The following ITIH5 variants were observed in gnomAD, a reference collection of about 807,000 sequenced individuals.
ITIH5 encodes the protein inter-alpha-trypsin inhibitor heavy chain 5, also known as inter-alpha-trypsin inhibitor heavy chain H5.
ITIH5 carries 65 observed loss-of-function variants against 77.5 expected under a neutral mutation model. The observed-to-expected ratio is 0.84, with a 90% CI of 0.69 to 1.03. The LOEUF (loss-of-function observed/expected upper bound fraction) is 1.03, where lower values mean the gene tolerates loss of function less well. ITIH5 is among the 50% of genes least tolerant of loss of function. ITIH5 has a pLI of 0.00. For synonymous variants in ITIH5, 525 were observed against 494.3 expected (o/e 1.06, Z -0.82); for missense variants, 1,208 against 1,213.1 (o/e 1.00, Z 0.06).
intron 10 of ITIH5, 75 bp downstream of exon 10, chr10:7,576,378 G>A: frequency 1.6e-6 from 2 of 1,269,134 alleles, no homozygotes; most frequent in Non-Finnish European, 2.1e-6. Context: ...CTTCCTGCTG[G>A]GGCTTCCTGT....
Position 7,566,258 on chromosome 10 carries a change from C to G in ITIH5, c.2299G>C (p.Gly767Arg). ...CAGGGGAGCACCAGTCTGTCCCCACCATCCAAGATGACTCTGCTCGGTGTG... is the reference window on the plus strand; with the variant it reads ...CAGGGGAGCACCAGTCTGTCCCCACGATCCAAGATGACTCTGCTCGGTGTG... ...EITPSRVILD[G>R]GDRLVLPCNQ... The change falls in exon 13 of 14, where the codon GGT becomes CGT. Residue 767 changes from glycine to arginine, a missense_variant. Coordinates refer to ENST00000397146, the MANE Select transcript of ITIH5 (RefSeq NM_030569.7). 2 of 1,613,432 alleles carry G rather than the reference C, an allele frequency of 1.2e-6. No homozygotes were observed. The highest frequency in any genetic ancestry group is 3.3e-5 in the Admixed American group (2 of 59,884).
rs117295486 is a variant in ITIH5, at chr10:7,579,263, C to T, written c.1418+492G>A. ...GCTTAGGGCCGGGTGTGGTGGCTCA[C>T]GCCCATAATCCCAGTACTTTGGGAG... On this transcript the variant is annotated intron_variant, in intron 9 of 13. Coordinates refer to ENST00000397146, the MANE Select transcript of ITIH5 (RefSeq NM_030569.7). Among the ~76,000 whole-genome samples, 471 of 152,332 alleles carry T rather than the reference C, an allele frequency of 3.1e-3. 15 individuals carry two copies. The East Asian group carries it at 0.073, about 24-fold the overall frequency.
chr10:7,575,267 G>A (rs1021431111), intron 10 of ITIH5, among the ~76,000 whole-genome samples: 1 of 152,182 alleles, frequency 6.6e-6, no homozygotes, highest in Middle Eastern at 3.2e-3. Flanking sequence ...TTCAGGGCTG[G>A]GGAGTGGGAA....
intron 7 of ITIH5, among the ~76,000 whole-genome samples, chr10:7,597,908 T>G (rs879531964): frequency 5.7e-5 from 7 of 122,084 alleles, no homozygotes; most frequent in Non-Finnish European, 5.7e-5. Flanking sequence ...TAATCAGATT[T>G]TTTTTTTTTA....
intron 7 of ITIH5, among the ~76,000 whole-genome samples, chr10:7,601,894 C>T (rs1833023028): frequency 6.6e-6 from 1 of 152,108 alleles, no homozygotes; most frequent in Non-Finnish European, 1.5e-5. Context: ...CCTCTGTCGC[C>T]CAGGCTGGAG....
intron 13 of ITIH5, 77 bp from the exon 14 acceptor site, chr10:7,563,461 A>C (rs1201749544): frequency 3.8e-6 from 5 of 1,323,738 alleles, no homozygotes; most frequent in South Asian, 1.4e-5. Flanking sequence ...CAGAGCTATC[A>C]GTGGCAGAAA....
In ITIH5 at chr10:7,562,788, T is replaced by C; in HGVS notation, c.*295A>G. The C allele has an allele frequency of 2.4e-6, 1 of 414,906 alleles. No individual in the cohort carries two copies. The highest frequency in any genetic ancestry group is 4.4e-6 in the Non-Finnish European group (1 of 224,964). 25.7% of individuals were successfully genotyped at this position (414,906 alleles called of 1,614,324 possible). The stretch of plus-strand genomic sequence containing the variant: ...AACAGAAAAGCAGGTTGGGACAAGA[T>C]ACAGACTTTGTTGCATTTAGCTATG... On this transcript the variant is annotated 3_prime_UTR_variant, in exon 14 of 14. Transcript: ENST00000397146.
At chr10:7,658,126 G>C (rs1834217768) in intron 1 of ITIH5, among the ~76,000 whole-genome samples, 2 of 152,310 alleles carry the variant, frequency 1.3e-5, no homozygotes, top group South Asian at 4.1e-4. Flanking sequence ...AAGTGTAAGT[G>C]TTTTTATGTA....
intron 7 of ITIH5, among the ~76,000 whole-genome samples, chr10:7,615,207 C>T (rs993654464): frequency 2.0e-5 from 3 of 152,040 alleles, no homozygotes; most frequent in Admixed American, 1.3e-4. Flanking sequence ...GCTGAGATCA[C>T]GCCATTGCAC....
chr10:7,573,169 GCTGGTATGGCTT>G lies in ITIH5; in HGVS notation c.1993_2004del (p.Lys665_Gln668del), dbSNP rs1226037070. ...GATGTTTTAGAGATTTTAATTCTTG[GCTGGTATGGCTT>G]CTTGAGCAAAGGTCCTAAAAGGGAG... On this transcript the variant is annotated inframe_deletion, in exon 11 of 14. Transcript: ENST00000397146. 6.2e-7 allele frequency: 1 copy of G among 1,613,530 alleles called. No individual in the cohort carries two copies. Among genetic ancestry groups the G allele is most frequent in the African/African-American group, 1.3e-5 (1 of 74,844 alleles).
chr10:7,603,717 G>T (rs1420654146), intron 7 of ITIH5, among the ~76,000 whole-genome samples: 1 of 152,134 alleles, frequency 6.6e-6, no homozygotes, highest in Non-Finnish European at 1.5e-5. Context: ...CCGAGCAGCT[G>T]GGACTACAGG....
intron 2 of ITIH5, among the ~76,000 whole-genome samples, chr10:7,644,000 G>A (rs1036788292): frequency 1.3e-5 from 2 of 152,182 alleles, no homozygotes; most frequent in Admixed American, 6.5e-5. Flanking sequence ...CAGCACTTTG[G>A]GAGGCCAAGG....
In ITIH5 at chr10:7,576,976, G is replaced by A. The variant is rs113932693; in HGVS notation, c.1455C>T (p.Asp485=). The change falls in exon 10 of 14, where the codon GAC becomes GAT. Residue 485 remains aspartate, a synonymous_variant. Coordinates refer to ENST00000397146, the MANE Select transcript of ITIH5 (RefSeq NM_030569.7). ...AGCTGGGGGGATAATCGATGCGGATGTCAGAGAGGAGCGGGGTCCTGATTT... is the reference window on the plus strand; with the variant it reads ...AGCTGGGGGGATAATCGATGCGGATATCAGAGAGGAGCGGGGTCCTGATTT... ...YDEIRTPLLS[D]IRIDYPPSSV... is the part of the protein sequence containing the mutation. 2.1e-5 allele frequency: 34 copies of A among 1,613,684 alleles called. No individual in the cohort carries two copies. The highest frequency in any genetic ancestry group is 3.3e-4 in the Middle Eastern group (2 of 6,058).
At chr10:7,635,829 C>T (rs1431078173) in intron 5 of ITIH5, among the ~76,000 whole-genome samples, 1 of 152,180 alleles carries the variant, frequency 6.6e-6, no homozygotes, top group East Asian at 1.9e-4. Flanking sequence ...AACGCTCTCT[C>T]TCTTCTCCTG....
chr10:7,585,770 G>T, intron 8 of ITIH5, 131 bp downstream of exon 8: 1 of 723,912 alleles, frequency 1.4e-6, no homozygotes. Context: ...GAAAGCTCTC[G>T]CCTGCAGTCT....
At chr10:7,595,183 C>T (rs1167784607) in intron 7 of ITIH5, among the ~76,000 whole-genome samples, 2 of 152,134 alleles carry the variant, frequency 1.3e-5, no homozygotes, top group African/African-American at 2.4e-5. Context: ...CATGCCACTA[C>T]ACTTCAGCCT....
intron 12 of ITIH5, among the ~76,000 whole-genome samples, chr10:7,567,599 T>C (rs1832215768): frequency 1.3e-5 from 2 of 152,100 alleles, no homozygotes; most frequent in Admixed American, 1.3e-4. Context: ...TTTGGTTTTC[T>C]GTCCTTGCAA....
intron 5 of ITIH5, among the ~76,000 whole-genome samples, chr10:7,636,727 C>T (rs896102204): frequency 8.5e-5 from 13 of 152,064 alleles, no homozygotes; most frequent in African/African-American, 1.2e-4. Context: ...TTTTAATCTC[C>T]TGTTACAGCA....
chr10:7,578,082 G>A lies in ITIH5; in HGVS notation c.1419-1070C>T, dbSNP rs150341815. 8.0e-4 allele frequency among the ~76,000 whole-genome samples: 122 copies of A among 152,300 alleles called. 2 individuals are homozygous for A. The South Asian group carries it at 8.1e-3, about 10-fold the overall frequency. ...CTTTTTGCGGCTAGAAAACAAGAGTGATAGTGACTGAATTTCAATCCTGTA... is the reference window on the plus strand; with the variant it reads ...CTTTTTGCGGCTAGAAAACAAGAGTAATAGTGACTGAATTTCAATCCTGTA... On this transcript the variant is annotated intron_variant, in intron 9 of 13. Coordinates refer to ENST00000397146, the MANE Select transcript of ITIH5 (RefSeq NM_030569.7).
Sources: allele counts gnomAD v4.1 joint callset (sites outside exome capture counted in the v4.1 genomes callset), GRCh38; gene constraint gnomAD v4.1.1; transcripts MANE v1.5; gene names NCBI Gene and HGNC (gene_info 2026-07-23, HGNC 2026-07-21).